Variants in BUB1 observed in about 807,000 individuals in gnomAD.
BUB1 encodes mitotic checkpoint serine/threonine-protein kinase BUB1.
BUB1 carries 84 observed loss-of-function variants against 135.2 expected under a neutral mutation model. The observed-to-expected ratio is 0.62, with a 90% CI of 0.52 to 0.74. The LOEUF is 0.74. BUB1 is among the 30% of genes least tolerant of loss of function. The pLI, the probability that BUB1 is intolerant of heterozygous loss-of-function variation, is 0.00. For synonymous variants in BUB1, 403 were observed against 434.4 expected, an observed-to-expected ratio of 0.93 and a Z score of 0.90; for missense variants, 1,162 against 1,288.3, an observed-to-expected ratio of 0.90 and a Z score of 1.50.
At chr2:110,661,382 TA>T in intron 10 of BUB1, 199 bp downstream of exon 10, 2 of 620,200 alleles carry the variant, frequency 3.2e-6, no homozygotes, top group Non-Finnish European at 5.2e-6. Context: ...ATAAATATTC[TA>T]AAAGAAGCAT....
At chr2:110,647,032 A>G (rs1689662490) in intron 19 of BUB1, among the ~76,000 whole-genome samples, 1 of 152,228 alleles carries the variant, frequency 6.6e-6, no homozygotes, top group South Asian at 2.1e-4. Context: ...AAAGAAATGG[A>G]ATCAGTAATT....
chr2:110,658,524 A>G lies in BUB1; in HGVS notation c.1406-4T>C, dbSNP rs771986135. On this transcript the variant is annotated splice_region_variant and splice_polypyrimidine_tract_variant and intron_variant, in intron 12 of 24. Transcript: ENST00000302759. ...TGAAACATATTCATGATGAAACCTT[A>G]AAGAACAAAAAGAATAATTGTAAAC... is the stretch of plus-strand genomic sequence containing the variant. 5 of 1,613,664 alleles carry G rather than the reference A, an allele frequency of 3.1e-6. No homozygotes were observed. The highest frequency in any genetic ancestry group is 1.7e-5 in the Admixed American group (1 of 59,940).
chr2:110,675,990 T>C (rs1690571708), intron 1 of BUB1, among the ~76,000 whole-genome samples: 2 of 152,162 alleles, frequency 1.3e-5, no homozygotes, highest in Non-Finnish European at 2.9e-5. Flanking sequence ...CCTCGGTATA[T>C]GAATGAAATC....
intron 23 of BUB1, among the ~76,000 whole-genome samples, chr2:110,640,256 C>A (rs1689467797): frequency 1.3e-5 from 2 of 152,124 alleles, no homozygotes; most frequent in African/African-American, 4.8e-5. Context: ...AACACTCCAG[C>A]CCCATCCACA....
chr2:110,666,961 G>A (rs1179240059), intron 8 of BUB1, among the ~76,000 whole-genome samples: 3 of 152,126 alleles, frequency 2.0e-5, no homozygotes, highest in Non-Finnish European at 2.9e-5. Context: ...TCTATGCCCA[G>A]CACAAAATGA....
rs754564766 is a variant in BUB1 at position 110,674,102 on chromosome 2, C to T, written c.209G>A (p.Ser70Asn). 17 of 1,529,240 alleles carry T rather than the reference C, an allele frequency of 1.1e-5. No homozygotes were observed. The highest frequency in any genetic ancestry group is 2.3e-5 in the East Asian group (1 of 44,364). 94.7% of individuals were successfully genotyped at this position (1,529,240 alleles called of 1,614,324 possible). ...KKYHNDPRFI[S>N]YCLKFAEYNS... Reference sequence around the variant, plus strand: ...TATACTTACAAATTTTAAACAATAACTGATGAATCTTGGGTCATTGTGGTA... The same window carrying T: ...TATACTTACAAATTTTAAACAATAATTGATGAATCTTGGGTCATTGTGGTA... Residue 70 changes from serine to asparagine, a missense_variant, in exon 3 of 25, where the codon AGT (serine) becomes AAT (asparagine). Physicochemically the swap from Ser to Asn is conservative, Grantham distance 46. Coordinates refer to ENST00000302759, the MANE Select transcript of BUB1 (RefSeq NM_004336.5).
intron 19 of BUB1, among the ~76,000 whole-genome samples, chr2:110,644,685 T>G (rs1017125335): frequency 6.6e-6 from 1 of 152,012 alleles, no homozygotes; most frequent in African/African-American, 2.4e-5. Flanking sequence ...ATCTTACCTA[T>G]AGAGGAGCAA....
chr2:110,654,851 C>T (rs1438305210), intron 16 of BUB1, among the ~76,000 whole-genome samples: 2 of 152,138 alleles, frequency 1.3e-5, no homozygotes, highest in African/African-American at 2.4e-5. Context: ...GGCAGCTCTT[C>T]TATTATTGCT....
intron 9 of BUB1, among the ~76,000 whole-genome samples, chr2:110,664,032 A>G (rs1042134266): frequency 6.6e-6 from 1 of 151,636 alleles, no homozygotes; most frequent in African/African-American, 2.4e-5. Context: ...ATCTCAAAAA[A>G]AAAAAAAAAA....
rs745421465 is a variant in BUB1 at position 110,650,636 on chromosome 2, C to T, written c.2113G>A (p.Ala705Thr). The change falls in exon 18 of 25, where the codon GCT becomes ACT. Residue 705 changes from alanine (A) to threonine (T), a missense_variant. Physicochemically the swap from Ala to Thr is moderately conservative, Grantham distance 58 (BLOSUM62 0). Coordinates refer to ENST00000302759, the MANE Select transcript of BUB1 (RefSeq NM_004336.5). ...TCTGGTGGATCTTCTGCAATGGCAGCGTCAGTGTCTGTGAGTCTGCAAGCC... is the reference window on the plus strand; with the variant it reads ...TCTGGTGGATCTTCTGCAATGGCAGTGTCAGTGTCTGTGAGTCTGCAAGCC... ...VEACRLTDTD[A>T]AIAEDPPDAI... 151 of 1,613,794 alleles carry T rather than the reference C, an allele frequency of 9.4e-5. 1 individual carries two copies. The highest frequency in any genetic ancestry group is 1.3e-4 in the African/African-American group (10 of 74,896).
At chr2:110,665,875 AAC>A (rs1398248636) in intron 9 of BUB1, 1 of 157,338 alleles carries the variant, frequency 6.4e-6, no homozygotes, top group Non-Finnish European at 1.4e-5. Context: ...ATGTGGCTCT[AAC>A]ACACTCATCA....
chr2:110,641,628 A>T lies in BUB1; in HGVS notation c.2625+14T>A, dbSNP rs1356397739. 1.2e-6 allele frequency: 2 copies of T among 1,606,540 alleles called. No homozygotes were observed. The highest frequency in any genetic ancestry group is 2.7e-5 in the African/African-American group (2 of 74,590). ...TTTTAAATTCATGTGCTCATCATAA[A>T]AATGAATACTTACTAATAATGTTCC... On this transcript the variant is annotated intron_variant, in intron 21 of 24. Coordinates refer to ENST00000302759, the MANE Select transcript of BUB1 (RefSeq NM_004336.5).
intron 10 of BUB1, 170 bp downstream of exon 10, chr2:110,661,412 G>A: frequency 1.3e-6 from 1 of 763,674 alleles, no homozygotes. Context: ...TAAGCCTAAA[G>A]GATTGGGAGC....
At chr2:110,645,399 G>A (rs1426026451) in intron 19 of BUB1, among the ~76,000 whole-genome samples, 5 of 150,684 alleles carry the variant, frequency 3.3e-5, no homozygotes, top group South Asian at 2.1e-4. Flanking sequence ...ATAGTACTAC[G>A]GCACTACACT....
rs767830402 is a variant in BUB1 at position 110,658,722 on chromosome 2, C to T, written c.1297G>A (p.Ala433Thr). 1.4e-5 allele frequency: 23 copies of T among 1,613,992 alleles called. No individual in the cohort carries two copies. The highest frequency in any genetic ancestry group is 1.9e-5 in the Non-Finnish European group (22 of 1,180,008). ...GTTGTGTGAAAAGAACTTGTGTTGG[C>T]AACCTTATGTGTTTCACACCCTAGC... is the stretch of plus-strand genomic sequence containing the variant. ...IKEGCETHKV[A>T]NTSSFHTTPN... Residue 433 changes from alanine (A) to threonine (T), a missense_variant, in exon 12 of 25, where the codon GCC becomes ACC. Physicochemically the swap from Ala to Thr is moderately conservative, Grantham distance 58. Coordinates refer to ENST00000302759, the MANE Select transcript of BUB1 (RefSeq NM_004336.5).
intron 4 of BUB1, among the ~76,000 whole-genome samples, chr2:110,671,195 G>A (rs1357423242): frequency 6.6e-6 from 1 of 152,160 alleles, no homozygotes; most frequent in Non-Finnish European, 1.5e-5. Context: ...GCCATTTTAC[G>A]TGATGAGGAA....
intron 17 of BUB1, 135 bp from the exon 18 acceptor site, chr2:110,650,919 G>T: frequency 1.3e-6 from 1 of 768,720 alleles, no homozygotes; most frequent in Non-Finnish European, 2.1e-6. Context: ...GTTGATTAAA[G>T]CATTTTTAGA....
rs775659178 is a variant in BUB1, at chr2:110,667,606, C to T, written c.720G>A (p.Glu240=). 3.1e-6 allele frequency: 5 copies of T among 1,613,932 alleles called. No individual in the cohort carries two copies. The highest frequency in any genetic ancestry group is 1.6e-4 in the Middle Eastern group (1 of 6,082). Residue 240 remains glutamate (E), a synonymous_variant, in exon 8 of 25, where the codon GAG becomes GAA. Coordinates refer to ENST00000302759, the MANE Select transcript of BUB1 (RefSeq NM_004336.5). ...DVEQVVMYCK[E]KLIRGESEFS... ...ATTCTGATTCCCCACGAATAAGCTT[C>T]TCCTTGCAATACATAACAACCTGCT... is the stretch of plus-strand genomic sequence containing the variant.
intron 4 of BUB1, 70 bp downstream of exon 4, chr2:110,672,591 T>C: frequency 6.9e-7 from 1 of 1,451,234 alleles, no homozygotes; most frequent in Non-Finnish European, 9.3e-7. Context: ...TTGCTAATGA[T>C]ACAATTTTTA....
Sources: allele counts gnomAD v4.1 joint callset (sites outside exome capture counted in the v4.1 genomes callset), GRCh38; gene constraint gnomAD v4.1.1; transcripts MANE v1.5; gene names NCBI Gene and HGNC (gene_info 2026-07-23, HGNC 2026-07-21).